Variants in FOXP1 observed in about 807,000 individuals in gnomAD.
The protein encoded by FOXP1 is forkhead box P1.
Under a neutral mutation model 98.2 loss-of-function variants are expected in FOXP1, and 15 were observed. The observed-to-expected ratio is 0.15, with a 90% CI of 0.10 to 0.24. FOXP1 has a LOEUF of 0.24. FOXP1 is among the 10% of genes least tolerant of loss of function. The pLI, the probability that FOXP1 is intolerant of heterozygous loss-of-function variation, is 1.00. For synonymous variants in FOXP1, 371 were observed against 314.5 expected, an observed-to-expected ratio of 1.18 and a Z score of -1.90; for missense variants, 633 against 848.5, an observed-to-expected ratio of 0.75 and a Z score of 3.15.
chr3:71,097,587 G>A (rs1483587765), intron 7 of FOXP1, among the ~76,000 whole-genome samples: 2 of 152,118 alleles, frequency 1.3e-5, no homozygotes, highest in African/African-American at 2.4e-5. Context: ...CTGAGACAAC[G>A]ATGGAGGAAG....
intron 15 of FOXP1, 28 bp downstream of exon 15, chr3:70,977,800 T>C (rs2037886463): frequency 1.2e-6 from 2 of 1,612,492 alleles, no homozygotes; most frequent in Non-Finnish European, 1.7e-6. Context: ...ATTACAACTC[T>C]ACGTGAGGCA....
intron 3 of FOXP1, among the ~76,000 whole-genome samples, chr3:71,468,118 A>G (rs2088961788): frequency 6.6e-6 from 1 of 151,862 alleles, no homozygotes; most frequent in Non-Finnish European, 1.5e-5. Flanking sequence ...TTGGAGAAGC[A>G]ATGTTTTTTT....
At chr3:71,388,653 G>A (rs1381633086) in intron 3 of FOXP1, among the ~76,000 whole-genome samples, 1 of 152,100 alleles carries the variant, frequency 6.6e-6, no homozygotes, top group Non-Finnish European at 1.5e-5. Context: ...TTTCAAGGGT[G>A]CTCAAGGGAG....
chr3:71,317,885 T>C (rs2075170226), intron 4 of FOXP1, among the ~76,000 whole-genome samples: 1 of 152,138 alleles, frequency 6.6e-6, no homozygotes, highest in Admixed American at 6.5e-5. Flanking sequence ...AATATAAAAA[T>C]GATATGAGCA....
chr3:71,135,049 A>C (rs2059751925), intron 6 of FOXP1, among the ~76,000 whole-genome samples: 1 of 151,916 alleles, frequency 6.6e-6, no homozygotes, highest in Non-Finnish European at 1.5e-5. Context: ...ACGAGGTCAA[A>C]AGAGATCGAG....
At chr3:71,022,560 T>C (rs1389379050) in intron 11 of FOXP1, among the ~76,000 whole-genome samples, 1 of 152,240 alleles carries the variant, frequency 6.6e-6, no homozygotes, top group African/African-American at 2.4e-5. Flanking sequence ...GAATGTGCTA[T>C]GTGGCTTTCT....
chr3:71,371,409 C>T (rs1351114325), intron 3 of FOXP1, among the ~76,000 whole-genome samples: 1 of 152,188 alleles, frequency 6.6e-6, no homozygotes, highest in East Asian at 1.9e-4. Flanking sequence ...CACCTGACAC[C>T]GCAATCCATT....
intron 14 of FOXP1, among the ~76,000 whole-genome samples, chr3:70,981,191 C>CAAAAAAAAA (rs71104406): frequency 1.2e-4 from 7 of 59,968 alleles, no homozygotes; most frequent in East Asian, 5.8e-4. Context: ...CTCTTTCTAC[C>CAAAAAAAAA]AAAAAAAAAA....
chr3:70,983,469 G>A (rs1386004983), intron 14 of FOXP1, among the ~76,000 whole-genome samples: 3 of 152,024 alleles, frequency 2.0e-5, no homozygotes, highest in East Asian at 3.9e-4. Context: ...GTTTTTATAG[G>A]AGCTAAAAAC....
chr3:71,204,302 C>G (rs1229766766), intron 5 of FOXP1, among the ~76,000 whole-genome samples: 1 of 152,146 alleles, frequency 6.6e-6, no homozygotes, highest in Non-Finnish European at 1.5e-5. Context: ...TTTTAATGTG[C>G]AAAGGGTTTA....
chr3:71,333,120 G>A (rs1181037194), intron 4 of FOXP1: 1 of 152,212 alleles, frequency 6.6e-6, no homozygotes, highest in Non-Finnish European at 1.5e-5. Flanking sequence ...CCACACTGAG[G>A]AAAAACTCCT....
intron 12 of FOXP1, among the ~76,000 whole-genome samples, chr3:71,011,561 T>C (rs964544910): frequency 5.9e-5 from 9 of 152,338 alleles, no homozygotes; most frequent in Non-Finnish European, 1.2e-4. Context: ...TGAAGCCAGC[T>C]GTACCACTGG....
intron 7 of FOXP1, among the ~76,000 whole-genome samples, chr3:71,067,252 A>T (rs1178046133): frequency 6.6e-6 from 1 of 152,174 alleles, no homozygotes; most frequent in Non-Finnish European, 1.5e-5. Flanking sequence ...ATCAGTGATA[A>T]ACCTGGATAA....
chr3:71,203,931 AAGGAAGG>A (rs1299739678), intron 5 of FOXP1, among the ~76,000 whole-genome samples: 1 of 141,694 alleles, frequency 7.1e-6, no homozygotes, highest in East Asian at 2.1e-4. Flanking sequence ...GCTCATGGAA[AAGGAAGG>A]AGGAAGGAAG....
At chr3:71,561,878 T>G (rs2046568956) in intron 2 of FOXP1, among the ~76,000 whole-genome samples, 1 of 152,222 alleles carries the variant, frequency 6.6e-6, no homozygotes, top group East Asian at 1.9e-4. Flanking sequence ...TTCTTTCTCT[T>G]GGGGGATATG....
At chr3:71,377,399 G>A (rs970234765) in intron 3 of FOXP1, among the ~76,000 whole-genome samples, 1 of 152,124 alleles carries the variant, frequency 6.6e-6, no homozygotes, top group African/African-American at 2.4e-5. Context: ...TTACTTTGAT[G>A]TGCCATGTGC....
At chr3:71,545,591 ATGTT>A (rs1301777645) in intron 2 of FOXP1, among the ~76,000 whole-genome samples, 11 of 152,174 alleles carry the variant, frequency 7.2e-5, no homozygotes, top group Non-Finnish European at 1.5e-4. Context: ...ATGCTCCTTA[ATGTT>A]TGTTTAAAAT....
intron 5 of FOXP1, among the ~76,000 whole-genome samples, chr3:71,221,323 T>C (rs908954680): frequency 2.0e-5 from 3 of 152,056 alleles, no homozygotes; most frequent in Admixed American, 1.3e-4. Context: ...AATGTTGGGG[T>C]CCACTGTTCT....
intron 2 of FOXP1, among the ~76,000 whole-genome samples, chr3:71,556,038 T>G (rs1375876920): frequency 6.6e-6 from 1 of 151,954 alleles, no homozygotes. Flanking sequence ...AAGGCATAAA[T>G]GAAAGGAAGG....
Sources: gnomAD v4.1 joint callset for allele counts (sites outside exome capture counted in the v4.1 genomes callset) on GRCh38, gnomAD v4.1.1 for gene constraint, MANE v1.5 for transcripts, NCBI Gene and HGNC (gene_info 2026-07-23, HGNC 2026-07-21) for gene names.